KCTD16: variants seen among roughly 807,000 people sequenced by gnomAD.
The protein encoded by KCTD16 is BTB/POZ domain-containing protein KCTD16.
Under a neutral mutation model 33.2 loss-of-function variants are expected in KCTD16, and 13 were observed. That is an observed-to-expected ratio of 0.39 (90% confidence interval 0.25 to 0.62). The LOEUF (loss-of-function observed/expected upper bound fraction) is 0.62. Ranked by LOEUF, KCTD16 falls within the 20% of genes least tolerant of loss-of-function variation. The pLI is 0.50. For missense variants in KCTD16, 441 were observed against 525.1 expected, an observed-to-expected ratio of 0.84 and a Z score of 1.57; for synonymous variants, 197 against 195.3, an observed-to-expected ratio of 1.01 and a Z score of -0.07.
chr5:144,176,746 A>G (rs1433154033), intron 2 of KCTD16, among the ~76,000 whole-genome samples: 1 of 152,208 alleles, frequency 6.6e-6, no homozygotes, highest in Non-Finnish European at 1.5e-5. Flanking sequence ...AGATTTTATT[A>G]TACTCAACAA....
chr5:144,385,782 C>A (rs1222509495), intron 3 of KCTD16, among the ~76,000 whole-genome samples: 3 of 152,134 alleles, frequency 2.0e-5, no homozygotes, highest in African/African-American at 7.2e-5. Context: ...CCATTCAAAT[C>A]ATTTAAGAGT....
chr5:144,230,046 G>A (rs1269433698), intron 3 of KCTD16, among the ~76,000 whole-genome samples: 3 of 152,146 alleles, frequency 2.0e-5, no homozygotes, highest in Admixed American at 2.0e-4. Context: ...GGAGGCTGAG[G>A]GACAAGAATC....
At chr5:144,360,854 A>G (rs910384248) in intron 3 of KCTD16, among the ~76,000 whole-genome samples, 1 of 152,136 alleles carries the variant, frequency 6.6e-6, no homozygotes, top group Admixed American at 6.6e-5. Context: ...CATGGCTGCA[A>G]TAAACACATG....
intron 3 of KCTD16, among the ~76,000 whole-genome samples, chr5:144,361,150 C>T (rs1017413174): frequency 6.1e-5 from 9 of 147,782 alleles, no homozygotes; most frequent in Non-Finnish European, 1.0e-4. Context: ...TGAGAATCTG[C>T]GGTGTTTGGT....
chr5:144,465,341 T>C lies in KCTD16; in HGVS notation c.833-8319T>C, dbSNP rs565121103. ...ACAATGTACTCTTCTTCAGAGCTTTTTAATTCCTTTTCCCAGATGATAGAC... is the reference window on the plus strand; with the variant it reads ...ACAATGTACTCTTCTTCAGAGCTTTCTAATTCCTTTTCCCAGATGATAGAC... On this transcript the variant is annotated intron_variant, in intron 3 of 3. Coordinates refer to ENST00000512467, the MANE Select transcript of KCTD16 (RefSeq NM_020768.4). Among the ~76,000 whole-genome samples, 5 of 152,248 alleles carry C rather than the reference T, an allele frequency of 3.3e-5. No individual in the cohort carries two copies. The South Asian group carries it at 1.0e-3, about 32-fold the overall frequency.
intron 3 of KCTD16, among the ~76,000 whole-genome samples, chr5:144,241,868 A>G (rs867954167): frequency 3.3e-5 from 5 of 152,330 alleles, no homozygotes; most frequent in South Asian, 4.1e-4. Context: ...ATGAAATGTG[A>G]AAAGAATCTC....
chr5:144,226,214 T>C (rs1753926370), intron 3 of KCTD16, among the ~76,000 whole-genome samples: 1 of 152,218 alleles, frequency 6.6e-6, no homozygotes, highest in Admixed American at 6.5e-5. Flanking sequence ...CTAAGATTTC[T>C]CATTAGAATG....
At chr5:144,336,871 A>C (rs1443227399) in intron 3 of KCTD16, among the ~76,000 whole-genome samples, 1 of 151,976 alleles carries the variant, frequency 6.6e-6, no homozygotes, top group Admixed American at 6.6e-5. Flanking sequence ...TCATGAAACT[A>C]CCTGGAAGGT....
intron 3 of KCTD16, among the ~76,000 whole-genome samples, chr5:144,361,239 T>C (rs1751705559): frequency 6.6e-6 from 1 of 152,150 alleles, no homozygotes; most frequent in African/African-American, 2.4e-5. Flanking sequence ...TGAACACCTC[T>C]GTCTTTATAG....
intron 3 of KCTD16, among the ~76,000 whole-genome samples, chr5:144,401,949 TG>T (rs1261076961): frequency 1.3e-5 from 2 of 152,190 alleles, no homozygotes; most frequent in Admixed American, 1.3e-4. Flanking sequence ...ATCAAATATT[TG>T]TGGAGCACTT....
intron 3 of KCTD16, among the ~76,000 whole-genome samples, chr5:144,209,060 A>G (rs1407281116): frequency 2.6e-5 from 4 of 152,202 alleles, no homozygotes; most frequent in Non-Finnish European, 5.9e-5. Context: ...ATCTTCTCCA[A>G]ACTTTTTGGA....
At chr5:144,252,465 T>G (rs1754727044) in intron 3 of KCTD16, among the ~76,000 whole-genome samples, 2 of 152,308 alleles carry the variant, frequency 1.3e-5, no homozygotes, top group South Asian at 4.1e-4. Context: ...ACAGGTGGCC[T>G]TAGCACTTTT....
Position 144,235,468 on chromosome 5 carries a change from C to G in KCTD16, c.832+27922C>G, listed in dbSNP as rs755794073. Reference sequence around the variant, plus strand: ...GAGATCAAATCTTCATTCTACCATGCATTTCTTGCTTGACCTTGTGCACAC... The same window carrying G: ...GAGATCAAATCTTCATTCTACCATGGATTTCTTGCTTGACCTTGTGCACAC... On this transcript the variant is annotated intron_variant, in intron 3 of 3. Coordinates refer to ENST00000512467, the MANE Select transcript of KCTD16 (RefSeq NM_020768.4). 2.6e-4 allele frequency among the ~76,000 whole-genome samples: 39 copies of G among 152,214 alleles called. 1 individual carries two copies. Among genetic ancestry groups the G allele is most frequent in the Middle Eastern group, 6.8e-3 (2 of 294 alleles).
intron 3 of KCTD16, among the ~76,000 whole-genome samples, chr5:144,366,377 A>G (rs1036343142): frequency 6.6e-6 from 1 of 152,182 alleles, no homozygotes; most frequent in Non-Finnish European, 1.5e-5. Flanking sequence ...TGCACCATAC[A>G]TTACATATGC....
intron 3 of KCTD16, among the ~76,000 whole-genome samples, chr5:144,402,489 A>G (rs1752726206): frequency 6.6e-6 from 1 of 152,126 alleles, no homozygotes; most frequent in African/African-American, 2.4e-5. Context: ...GGAAGAATAT[A>G]AGTTAGACTG....
chr5:144,339,072 A>T (rs1752564411), intron 3 of KCTD16, among the ~76,000 whole-genome samples: 1 of 152,202 alleles, frequency 6.6e-6, no homozygotes, highest in African/African-American at 2.4e-5. Context: ...AACTGTTTGA[A>T]CTACCTAGAT....
intron 3 of KCTD16, among the ~76,000 whole-genome samples, chr5:144,462,586 A>C (rs1447623263): frequency 6.6e-6 from 1 of 151,850 alleles, no homozygotes; most frequent in African/African-American, 2.4e-5. Context: ...AAAAAAACAA[A>C]AAACTCTTTT....
chr5:144,270,223 C>A (rs1283248258), intron 3 of KCTD16, among the ~76,000 whole-genome samples: 1 of 151,898 alleles, frequency 6.6e-6, no homozygotes, highest in African/African-American at 2.4e-5. Flanking sequence ...GATCCAAATA[C>A]AACAGCATAT....
At chr5:144,460,163 T>G (rs1182846509) in intron 3 of KCTD16, among the ~76,000 whole-genome samples, 1 of 152,152 alleles carries the variant, frequency 6.6e-6, no homozygotes, top group Non-Finnish European at 1.5e-5. Flanking sequence ...TCCTTTTTGA[T>G]CATTCAAGCC....
Sources: allele counts gnomAD v4.1 joint callset (sites outside exome capture counted in the v4.1 genomes callset), GRCh38; gene constraint gnomAD v4.1.1; transcripts MANE v1.5; gene names NCBI Gene and HGNC (gene_info 2026-07-23, HGNC 2026-07-21).